The following KATNIP variants were observed in gnomAD, a reference collection of about 807,000 sequenced individuals.
KATNIP encodes katanin-interacting protein.
KATNIP carries 126 observed loss-of-function variants against 174.0 expected under a neutral mutation model. The observed-to-expected ratio is 0.72, with a 90% CI of 0.63 to 0.84. The LOEUF (loss-of-function observed/expected upper bound fraction) is 0.84, where lower values mean the gene tolerates loss of function less well. Among genes scored for constraint, KATNIP ranks in the 40% least tolerant of loss-of-function variants. The probability of loss-of-function intolerance (pLI) is 0.00; values close to 1 mark genes in which losing one functional copy is unlikely to be tolerated. For missense variants in KATNIP, 1,958 were observed against 2,109.7 expected (o/e 0.93, Z 1.41); for synonymous variants, 810 against 835.7 (o/e 0.97, Z 0.53).
intron 1 of KATNIP, among the ~76,000 whole-genome samples, chr16:27,565,321 C>T (rs1247826294): frequency 6.6e-6 from 1 of 151,368 alleles, no homozygotes; most frequent in Non-Finnish European, 1.5e-5. Context: ...CAAAAATTAG[C>T]TGGGTATGAT....
Position 27,708,767 on chromosome 16 carries a change from G to A in KATNIP, c.1452G>A (p.Leu484=). 1 of 1,613,976 alleles carries A rather than the reference G, an allele frequency of 6.2e-7. No individual in the cohort carries two copies. Among genetic ancestry groups the A allele is most frequent in the South Asian group, 1.1e-5 (1 of 91,072 alleles). ...KDAIYVTMEI[L]SNWGNSWWVG... The stretch of plus-strand genomic sequence containing the variant: ...CCATCTACGTGACCATGGAGATCCT[G>A]TCCAACTGGGGCAACTCGTGGTGGG... Residue 484 remains leucine, a synonymous_variant, in exon 13 of 28, where the codon CTG becomes CTA. Transcript: ENST00000261588.
chr16:27,600,537 C>T (rs571191606), intron 2 of KATNIP, among the ~76,000 whole-genome samples: 22 of 152,098 alleles, frequency 1.4e-4, no homozygotes, highest in Non-Finnish European at 2.6e-4. Flanking sequence ...CCAAGACAGG[C>T]TCCTGGAGTC....
chr16:27,682,692 TATC>T (rs2078391974), intron 8 of KATNIP, among the ~76,000 whole-genome samples: 1 of 152,138 alleles, frequency 6.6e-6, no homozygotes, highest in Non-Finnish European at 1.5e-5. Context: ...GGCCATGGCT[TATC>T]ATGTGGCTGG....
At chr16:27,617,330 C>T (rs996888577) in intron 2 of KATNIP, among the ~76,000 whole-genome samples, 6 of 152,148 alleles carry the variant, frequency 3.9e-5, no homozygotes, top group African/African-American at 1.2e-4. Context: ...CATTCTCAGG[C>T]GGTTCCAGGC....
At chr16:27,586,605 G>T (rs2090906330) in intron 2 of KATNIP, among the ~76,000 whole-genome samples, 1 of 152,134 alleles carries the variant, frequency 6.6e-6, no homozygotes, top group Non-Finnish European at 1.5e-5. Context: ...AAGGCAGGAG[G>T]ATCACTTGAG....
At chr16:27,689,188 G>A (rs1156404015) in intron 8 of KATNIP, among the ~76,000 whole-genome samples, 1 of 152,216 alleles carries the variant, frequency 6.6e-6, no homozygotes, top group East Asian at 1.9e-4. Flanking sequence ...GGCCAAGGCA[G>A]GTGGATCACT....
At chr16:27,690,366 TA>T (rs1485210097) in intron 8 of KATNIP, among the ~76,000 whole-genome samples, 335 of 136,496 alleles carry the variant, frequency 2.5e-3, no homozygotes, top group Non-Finnish European at 3.9e-3. Flanking sequence ...AGATAGATGA[TA>T]GATAGATAGA....
At position 27,775,066 on chromosome 16, in the gene KATNIP, T is replaced by C; in HGVS notation, c.4431T>C (p.Ala1477=). 1 of 1,612,046 alleles carries C rather than the reference T, an allele frequency of 6.2e-7. No homozygotes were observed. The highest frequency in any genetic ancestry group is 2.2e-5 in the East Asian group (1 of 44,702). ...GTGATGGCCGGCACATGTGGCTGGC[T>C]CCCATCCTGCCGGGCCTGGTGGGTT... ...DTSDGRHMWL[A]PILPGLVNRV... is the part of the protein sequence containing the mutation. Residue 1477 remains alanine (A), a synonymous_variant, in exon 24 of 28, where the codon GCT becomes GCC. Transcript: ENST00000261588.
chr16:27,634,870 T>C (rs1345491444), intron 5 of KATNIP, among the ~76,000 whole-genome samples: 5 of 152,102 alleles, frequency 3.3e-5, no homozygotes, highest in African/African-American at 7.2e-5. Flanking sequence ...AGAGATTTAA[T>C]TGTAGGGCCG....
intron 15 of KATNIP, among the ~76,000 whole-genome samples, chr16:27,747,014 C>T (rs1041433774): frequency 6.6e-6 from 1 of 152,146 alleles, no homozygotes. Context: ...AGGATGGTGC[C>T]TAGGGAAGAG....
chr16:27,688,838 G>A (rs969697336), intron 8 of KATNIP, among the ~76,000 whole-genome samples: 1 of 152,142 alleles, frequency 6.6e-6, no homozygotes, highest in Admixed American at 6.5e-5. Context: ...CAATCCCCAG[G>A]TGAGAGAGAC....
rs1465935210 is a variant in KATNIP at position 27,565,884 on chromosome 16, A to AT, written c.8-8010dup. 2.6e-5 allele frequency among the ~76,000 whole-genome samples: 4 copies of AT among 151,948 alleles called. No individual in the cohort carries two copies. In the South Asian group the frequency reaches 6.2e-4, roughly 24 times the overall value. The stretch of plus-strand genomic sequence containing the variant: ...TACTGAGTTGGAAACTAGAGGCCTG[A>AT]TTTTTTTAGCCTGTACAGAGCCTTA... On this transcript the variant is annotated intron_variant, in intron 1 of 27. Coordinates refer to ENST00000261588, the MANE Select transcript of KATNIP (RefSeq NM_015202.5).
chr16:27,577,549 G>A (rs1030648897), intron 2 of KATNIP, among the ~76,000 whole-genome samples: 4 of 151,434 alleles, frequency 2.6e-5, no homozygotes, highest in Middle Eastern at 3.2e-3. Flanking sequence ...AAAATTAGCC[G>A]GACGTGGTGG....
At chr16:27,690,643 T>C (rs563125277) in intron 8 of KATNIP, among the ~76,000 whole-genome samples, 2 of 152,286 alleles carry the variant, frequency 1.3e-5, no homozygotes, top group African/African-American at 4.8e-5. Context: ...CACTCTCCCT[T>C]CCCCACCTCC....
At chr16:27,753,975 G>A (rs116238723) in intron 17 of KATNIP, among the ~76,000 whole-genome samples, 198 bp from the exon 18 acceptor site, 1,688 of 152,284 alleles carry the variant, frequency 0.011, 44 homozygotes, top group African/African-American at 0.038. Flanking sequence ...TGACAAGGAT[G>A]CAGACCCTGG....
chr16:27,603,953 T>A (rs2141963494), intron 2 of KATNIP, among the ~76,000 whole-genome samples: 1 of 152,118 alleles, frequency 6.6e-6, no homozygotes. Context: ...GCCAGGCTGA[T>A]CTCGAACTCC....
chr16:27,720,189 C>G (rs906124252), intron 13 of KATNIP, among the ~76,000 whole-genome samples: 3 of 152,134 alleles, frequency 2.0e-5, no homozygotes, highest in African/African-American at 7.2e-5. Context: ...CTCACGAGTT[C>G]AAGCTATTCT....
chr16:27,637,881 C>G lies in KATNIP; in HGVS notation c.408+6719C>G, dbSNP rs567851264. ...GTGCAGAAAGGACCGCCCATGGGAG[C>G]AAGGGGCTACAGGAGGACCAGGAAG... is the stretch of plus-strand genomic sequence containing the variant. On this transcript the variant is annotated intron_variant, in intron 5 of 27. Transcript: ENST00000261588. The surrounding 1 kb of genome is among the most constrained non-coding windows in gnomAD (Gnocchi z 4.7). Among the ~76,000 whole-genome samples, 13 of 152,282 alleles carry G rather than the reference C, an allele frequency of 8.5e-5. No individual in the cohort carries two copies. Among genetic ancestry groups the G allele is most frequent in the Non-Finnish European group, 2.9e-5 (2 of 68,020 alleles).
chr16:27,628,145 T>C (rs945792814), intron 3 of KATNIP, among the ~76,000 whole-genome samples: 3 of 152,256 alleles, frequency 2.0e-5, no homozygotes, highest in Non-Finnish European at 2.9e-5. Context: ...ATCTATTCAC[T>C]GAAGCAAAAC....
Sources: allele counts gnomAD v4.1 joint callset (sites outside exome capture counted in the v4.1 genomes callset), GRCh38; gene constraint gnomAD v4.1.1; non-coding constraint Gnocchi (gnomAD v3.1); transcripts MANE v1.5; gene names NCBI Gene and HGNC (gene_info 2026-07-23, HGNC 2026-07-21).